The following TSC22D1 variants were observed in gnomAD, a reference collection of about 807,000 sequenced individuals.
TSC22D1 encodes TSC22 domain family protein 1.
Under a neutral mutation model 74.2 loss-of-function variants are expected in TSC22D1, and 9 were observed. The observed-to-expected ratio is 0.12, with a 90% CI of 0.07 to 0.21. The LOEUF (loss-of-function observed/expected upper bound fraction) is 0.21. Ranked by LOEUF, TSC22D1 falls within the 10% of genes least tolerant of loss-of-function variation. The pLI, the probability that TSC22D1 is intolerant of heterozygous loss-of-function variation, is 1.00. For missense variants in TSC22D1, 1,427 were observed against 1,304.7 expected (o/e 1.09, Z -1.44); for synonymous variants, 586 against 492.5 (o/e 1.19, Z -2.51).
Position 44,574,545 on chromosome 13 carries a change from T to C in TSC22D1, c.1530A>G (p.Pro510=). 6.2e-7 allele frequency: 1 copy of C among 1,614,008 alleles called. No individual in the cohort carries two copies. Among genetic ancestry groups the C allele is most frequent in the Non-Finnish European group, 8.5e-7 (1 of 1,180,036 alleles). The change falls in exon 1 of 3, where the codon CCA becomes CCG. Residue 510 remains proline (P), a synonymous_variant. Transcript: ENST00000458659. ...QQQQQQQQQQ[P]ALQGVTLQQM... ...GTTGGAGGGTCACACCTTGGAGAGC[T>C]GGTTGTTGCTGTTGTTGTTGTTGTT...
rs751394253 is a variant in TSC22D1 at position 44,574,302 on chromosome 13, T to C, written c.1773A>G (p.Leu591=). ...AACTGGAAATGGAAGGCTGCTGACC[T>C]AAAGCTGAAGTTACACCAACCACAT... The part of the protein sequence containing the change: ...PVNVVGVTSA[L]GQQPSISSLA... Residue 591 remains leucine (L), a synonymous_variant, in exon 1 of 3, where the codon TTA becomes TTG. Transcript: ENST00000458659. 242 of 1,614,132 alleles carry C rather than the reference T, an allele frequency of 1.5e-4. 1 individual carries two copies. The highest frequency in any genetic ancestry group is 2.0e-4 in the Non-Finnish European group (237 of 1,180,048).
chr13:44,495,705 A>T (rs1318775878), intron 1 of TSC22D1, among the ~76,000 whole-genome samples: 2 of 152,240 alleles, frequency 1.3e-5, no homozygotes, highest in Non-Finnish European at 2.9e-5. Flanking sequence ...AAACACCTAC[A>T]TCTACAACCA....
chr13:44,574,404 C>G lies in TSC22D1; in HGVS notation c.1671G>C (p.Gln557His). The G allele has an allele frequency of 6.2e-7, 1 of 1,614,222 alleles. No individual in the cohort carries two copies. The highest frequency in any genetic ancestry group is 1.1e-5 in the South Asian group (1 of 91,082). ...VQLQSQELSY[Q>H]QKQGLQPVPL... ...GTACTGGCTGAAGACCTTGCTTTTG[C>G]TGATAGCTCAGTTCTTGAGACTGTA... The change falls in exon 1 of 3, where the codon CAG becomes CAC. Residue 557 changes from glutamine to histidine, a missense_variant. Transcript: ENST00000458659.
chr13:44,576,777 C>G (rs1884283122), upstream of TSC22D1, among the ~76,000 whole-genome samples: 1 of 151,370 alleles, frequency 6.6e-6, no homozygotes, highest in South Asian at 2.1e-4. Flanking sequence ...GTGAGCCCAG[C>G]AACGAGGCGC....
intron 1 of TSC22D1, among the ~76,000 whole-genome samples, chr13:44,479,622 C>G (rs1263140489): frequency 1.3e-5 from 2 of 152,186 alleles, no homozygotes; most frequent in Non-Finnish European, 2.9e-5. Context: ...CTGTTACCAG[C>G]CACATACACC....
chr13:44,568,810 G>A (rs544012962), intron 1 of TSC22D1, among the ~76,000 whole-genome samples: 4 of 152,282 alleles, frequency 2.6e-5, no homozygotes, highest in Admixed American at 6.5e-5. Flanking sequence ...AACAGACAGC[G>A]CTGACAGATG....
intron 1 of TSC22D1, among the ~76,000 whole-genome samples, chr13:44,502,658 C>T (rs980572057): frequency 6.6e-6 from 1 of 152,126 alleles, no homozygotes; most frequent in Non-Finnish European, 1.5e-5. Context: ...ATTATCGTCA[C>T]CATTTGACAG....
intron 1 of TSC22D1, among the ~76,000 whole-genome samples, chr13:44,554,085 C>T (rs17278115): frequency 0.087 from 13,271 of 152,238 alleles, 746 homozygotes; most frequent in Non-Finnish European, 0.12. Context: ...ATCACTCTTA[C>T]TTAGCACAGT....
intron 1 of TSC22D1, among the ~76,000 whole-genome samples, chr13:44,524,275 G>GAA (rs113068157): frequency 9.0e-5 from 12 of 132,832 alleles, no homozygotes; most frequent in East Asian, 2.2e-4. Flanking sequence ...CCACACAACA[G>GAA]AAAAAAAAAA....
intron 1 of TSC22D1, among the ~76,000 whole-genome samples, chr13:44,456,594 T>C (rs1876666755): frequency 6.6e-6 from 1 of 152,146 alleles, no homozygotes; most frequent in Non-Finnish European, 1.5e-5. Flanking sequence ...TCACAATGAC[T>C]AACAATTCTC....
At chr13:44,488,692 T>C (rs1300826092) in intron 1 of TSC22D1, among the ~76,000 whole-genome samples, 2 of 152,210 alleles carry the variant, frequency 1.3e-5, no homozygotes, top group African/African-American at 2.4e-5. Flanking sequence ...AAATGGCTAA[T>C]TGCATTCTGC....
At chr13:44,561,754 A>G (rs1883053494) in intron 1 of TSC22D1, among the ~76,000 whole-genome samples, 2 of 152,220 alleles carry the variant, frequency 1.3e-5, no homozygotes, top group Non-Finnish European at 2.9e-5. Flanking sequence ...CATTCCTTAA[A>G]ATATTTAAAG....
At chr13:44,523,021 C>T (rs1433257338) in intron 1 of TSC22D1, among the ~76,000 whole-genome samples, 3 of 150,930 alleles carry the variant, frequency 2.0e-5, no homozygotes, top group Admixed American at 1.3e-4. Flanking sequence ...AGATGTATCA[C>T]CAAAGATAAT....
chr13:44,435,864 C>G, intron 2 of TSC22D1, 180 bp downstream of exon 2: 1 of 671,218 alleles, frequency 1.5e-6, no homozygotes, highest in South Asian at 1.7e-5. Context: ...GCCCCTTTCT[C>G]CCTCCACGGC....
rs955057908 is a variant in TSC22D1 at position 44,433,022 on chromosome 13, C to A, written c.*1604G>T. ...TTTTGCTTAGACAAAACGAATTATC[C>A]CAGGAGCTAGAAACTCATCCTACAC... On this transcript the variant is annotated 3_prime_UTR_variant, in exon 3 of 3. Transcript: ENST00000458659. The A allele has an allele frequency of 2.0e-5, 3 of 152,112 alleles. No individual in the cohort carries two copies. Among genetic ancestry groups the A allele is most frequent in the Admixed American group, 2.0e-4 (3 of 15,276 alleles). 9.4% of individuals were successfully genotyped at this position (152,112 alleles called of 1,614,324 possible). A position where few individuals can be genotyped will look rare whatever the true frequency, so the allele number is the denominator to read the frequency against.
intron 1 of TSC22D1, among the ~76,000 whole-genome samples, chr13:44,554,175 A>T (rs1013549845): frequency 2.0e-5 from 3 of 152,212 alleles, no homozygotes; most frequent in African/African-American, 7.2e-5. Context: ...TTATCCTCAC[A>T]ACAACAGCAC....
intron 1 of TSC22D1, among the ~76,000 whole-genome samples, chr13:44,457,469 T>C (rs1336457011): frequency 1.3e-5 from 2 of 151,952 alleles, no homozygotes; most frequent in African/African-American, 4.8e-5. Context: ...ATGTGGTATC[T>C]CCCAAGCAAC....
At chr13:44,446,034 T>A (rs1393094822) in intron 1 of TSC22D1, among the ~76,000 whole-genome samples, 2 of 152,144 alleles carry the variant, frequency 1.3e-5, no homozygotes, top group African/African-American at 4.8e-5. Flanking sequence ...AAGTTATTTA[T>A]CCAAGAAAAT....
At position 44,532,764 on chromosome 13, in the gene TSC22D1, C is replaced by T. The variant is rs536955124; in HGVS notation, c.2912+40399G>A. 4.6e-5 allele frequency among the ~76,000 whole-genome samples: 7 copies of T among 152,254 alleles called. No homozygotes were observed. The South Asian group carries it at 1.5e-3, about 32-fold the overall frequency. On this transcript the variant is annotated intron_variant, in intron 1 of 2. Coordinates refer to ENST00000458659, the MANE Select transcript of TSC22D1 (RefSeq NM_183422.4). ...CTGGGATTACAGGCGTGAGCCACCA[C>T]ACCCAGTCGATCTACAAAATCTTTA...
Sources: gnomAD v4.1 joint callset for allele counts (sites outside exome capture counted in the v4.1 genomes callset) on GRCh38, gnomAD v4.1.1 for gene constraint, MANE v1.5 for transcripts, NCBI Gene and HGNC (gene_info 2026-07-23, HGNC 2026-07-21) for gene names.